The following SETD2 variants were observed in gnomAD, a reference collection of about 807,000 sequenced individuals.
SETD2 encodes the protein histone-lysine N-methyltransferase SETD2.
In SETD2, 31 loss-of-function variants were observed where a neutral mutation model predicts 242.1. The ratio of observed to expected loss-of-function variants is 0.13; its 90% confidence interval spans 0.10 to 0.17. The LOEUF (loss-of-function observed/expected upper bound fraction) is 0.17, where lower values mean the gene tolerates loss of function less well. SETD2 is among the 10% of genes least tolerant of loss of function. The probability of loss-of-function intolerance (pLI) is 1.00; values close to 1 mark genes in which losing one functional copy is unlikely to be tolerated. For synonymous variants in SETD2, 1,006 were observed against 1,066.5 expected (o/e 0.94, Z 1.11); for missense variants, 2,481 against 3,046.3 (o/e 0.81, Z 4.37).
chr3:47,146,969 C>T (rs1045705077), intron 1 of SETD2, among the ~76,000 whole-genome samples: 1 of 151,938 alleles, frequency 6.6e-6, no homozygotes, highest in Admixed American at 6.6e-5. Context: ...TCATATAGTG[C>T]CTGGCAGAGA....
chr3:47,023,546 C>T (rs190242146), intron 18 of SETD2, among the ~76,000 whole-genome samples: 189 of 152,212 alleles, frequency 1.2e-3, no homozygotes, highest in African/African-American at 4.2e-3. Flanking sequence ...CTAAGCTCTG[C>T]AGCACATGAA....
chr3:47,074,605 T>C (rs1398770775), intron 12 of SETD2, among the ~76,000 whole-genome samples: 1 of 152,186 alleles, frequency 6.6e-6, no homozygotes, highest in Admixed American at 6.5e-5. Context: ...CCTTCTTTTC[T>C]AGCCTTACCC....
intron 14 of SETD2, 61 bp downstream of exon 14, chr3:47,062,095 TGACTTGG>T (rs559292977): frequency 8.2e-4 from 1,160 of 1,421,566 alleles, no homozygotes; most frequent in Non-Finnish European, 1.1e-3. Flanking sequence ...CAGAAGTATA[TGACTTGG>T]GTACTTTTTA....
Position 47,120,793 on chromosome 3 carries a change from A to G in SETD2, c.3843T>C (p.Cys1281=), listed in dbSNP as rs375236917. The change falls in exon 3 of 21, where the codon TGT becomes TGC. Residue 1281 remains cysteine, a synonymous_variant. Coordinates refer to ENST00000409792, the MANE Select transcript of SETD2 (RefSeq NM_014159.7). The part of the protein sequence containing the change: ...YQQPDSSYGA[C]GGHKYQQNAE... ...CATTTTGCTGATACTTGTGTCCACC[A>G]CAAGCTCCATAGCTACTGTCAGGTT... 16 of 1,614,232 alleles carry G rather than the reference A, an allele frequency of 9.9e-6. No individual in the cohort carries two copies. In the East Asian group the frequency reaches 1.3e-4, roughly 13 times the overall value.
chr3:47,051,028 T>C (rs902889526), intron 15 of SETD2, among the ~76,000 whole-genome samples: 4 of 151,982 alleles, frequency 2.6e-5, no homozygotes, highest in African/African-American at 7.2e-5. Context: ...CCACCGCACC[T>C]GGCCTATTTT....
intron 1 of SETD2, among the ~76,000 whole-genome samples, chr3:47,128,357 G>A (rs1309565298): frequency 1.3e-5 from 2 of 152,162 alleles, no homozygotes. Context: ...CGCATACTGA[G>A]GGACTGTCTA....
At chr3:47,041,769 C>G (rs1559655927) in intron 17 of SETD2, among the ~76,000 whole-genome samples, 1 of 152,074 alleles carries the variant, frequency 6.6e-6, no homozygotes, top group Non-Finnish European at 1.5e-5. Context: ...AATTATACTT[C>G]CTTTTTTAGT....
Position 47,019,843 on chromosome 3 carries a change from A to G in SETD2, c.7351-3T>C. 1 of 1,613,196 alleles carries G rather than the reference A, an allele frequency of 6.2e-7. No homozygotes were observed. The highest frequency in any genetic ancestry group is 2.2e-5 in the East Asian group (1 of 44,858). On this transcript the variant is annotated splice_polypyrimidine_tract_variant and splice_region_variant and intron_variant, in intron 18 of 20. Coordinates refer to ENST00000409792, the MANE Select transcript of SETD2 (RefSeq NM_014159.7). ...GCTGTCTTGGGCTTTTTCGAGGCCT[A>G]AAAATGGAGGAGAAAACACAGTGGT...
At chr3:47,116,284 A>G (rs2042850391) in intron 4 of SETD2, among the ~76,000 whole-genome samples, 1 of 152,172 alleles carries the variant, frequency 6.6e-6, no homozygotes, top group South Asian at 2.1e-4. Context: ...TTAGGGTTTT[A>G]TTTCACTTTA....
intron 8 of SETD2, among the ~76,000 whole-genome samples, chr3:47,099,950 C>G (rs2042144841): frequency 7.1e-6 from 1 of 140,766 alleles, no homozygotes; most frequent in African/African-American, 2.6e-5. Flanking sequence ...ACTAATATAC[C>G]TTTTTTTTTT....
At chr3:47,094,196 A>G (rs1053541230) in intron 9 of SETD2, among the ~76,000 whole-genome samples, 1 of 152,214 alleles carries the variant, frequency 6.6e-6, no homozygotes, top group Non-Finnish European at 1.5e-5. Context: ...TGTTCGTACC[A>G]TAAACTACAA....
At chr3:47,040,569 A>ATTTTTTTTTTTTTTTTTTTTTTTT (rs34309892) in intron 17 of SETD2, among the ~76,000 whole-genome samples, 1 of 91,720 alleles carries the variant, frequency 1.1e-5, no homozygotes, top group African/African-American at 4.4e-5. Context: ...AGGGAAAAGG[A>ATTTTTTTTTTTTTTTTTTTTTTTT]TTTTTTTTTT....
intron 12 of SETD2, among the ~76,000 whole-genome samples, chr3:47,073,945 T>C (rs924097294): frequency 2.0e-5 from 3 of 152,190 alleles, no homozygotes; most frequent in African/African-American, 7.2e-5. Context: ...TTATCAAAAT[T>C]ACAACACAGA....
At chr3:47,114,484 T>G (rs1184082214) in intron 4 of SETD2, among the ~76,000 whole-genome samples, 3 of 152,206 alleles carry the variant, frequency 2.0e-5, no homozygotes, top group Non-Finnish European at 4.4e-5. Flanking sequence ...TAACATGGCA[T>G]GGCTCTTCTC....
At chr3:47,060,690 T>G (rs751071467) in intron 14 of SETD2, among the ~76,000 whole-genome samples, 2 of 152,060 alleles carry the variant, frequency 1.3e-5, no homozygotes, top group Non-Finnish European at 2.9e-5. Flanking sequence ...CAAGGGAGGA[T>G]TTCTAAAAAC....
chr3:47,147,250 T>C (rs1328457991), intron 1 of SETD2, among the ~76,000 whole-genome samples: 1 of 151,578 alleles, frequency 6.6e-6, no homozygotes, highest in Admixed American at 6.6e-5. Flanking sequence ...TGACCTCAGG[T>C]GATCTGCCCT....
intron 12 of SETD2, among the ~76,000 whole-genome samples, chr3:47,073,150 CAAAA>C (rs10712927): frequency 7.7e-6 from 1 of 130,392 alleles, no homozygotes; most frequent in African/African-American, 2.8e-5. Flanking sequence ...CATTCCATCT[CAAAA>C]AAAAAAAAAA....
chr3:47,101,686 A>G (rs1213824291), intron 7 of SETD2, 131 bp from the exon 8 acceptor site: 1 of 521,752 alleles, frequency 1.9e-6, no homozygotes, highest in African/African-American at 1.9e-5. Flanking sequence ...GTGGGTCTTT[A>G]GGCAATGAAG....
rs1469002460 is a variant in SETD2, at chr3:47,017,796, G to A, written c.7432-57C>T. 2 of 1,190,586 alleles carry A rather than the reference G, an allele frequency of 1.7e-6. No homozygotes were observed. Among genetic ancestry groups the A allele is most frequent in the Admixed American group, 1.7e-5 (1 of 59,056 alleles). 73.8% of individuals were successfully genotyped at this position (1,190,586 alleles called of 1,614,324 possible). On this transcript the variant is annotated intron_variant, in intron 19 of 20. Transcript: ENST00000409792. The surrounding 1 kb of genome is among the most constrained non-coding windows in gnomAD (Gnocchi z 4.8). Reference sequence around the variant, plus strand: ...AACAGTCCAGAGAGGGCAAGGAGTTGTACTGAGGAAATAACTAGAAAAGGT... The same window carrying A: ...AACAGTCCAGAGAGGGCAAGGAGTTATACTGAGGAAATAACTAGAAAAGGT...
Sources: allele counts gnomAD v4.1 joint callset (sites outside exome capture counted in the v4.1 genomes callset), GRCh38; gene constraint gnomAD v4.1.1; non-coding constraint Gnocchi (gnomAD v3.1); transcripts MANE v1.5; gene names NCBI Gene and HGNC (gene_info 2026-07-23, HGNC 2026-07-21).